IL15: variants seen among roughly 807,000 people sequenced by gnomAD.
The protein encoded by IL15 is interleukin-15.
Under a neutral mutation model 19.6 loss-of-function variants are expected in IL15, and 11 were observed. The observed-to-expected ratio is 0.56, with a 90% CI of 0.35 to 0.93. The LOEUF is 0.93. Ranked by LOEUF, IL15 falls within the 40% of genes least tolerant of loss-of-function variation. IL15 has a pLI of 0.01. For synonymous variants in IL15, 58 were observed against 59.6 expected (o/e 0.97, Z 0.12); for missense variants, 197 against 186.5 (o/e 1.06, Z -0.33).
intron 2 of IL15, among the ~76,000 whole-genome samples, chr4:141,676,774 GA>G (rs796511038): frequency 0.014 from 1,750 of 127,752 alleles, 26 homozygotes; most frequent in African/African-American, 0.042. Flanking sequence ...AGGTATGGCA[GA>G]AAAAAAAAAA....
intron 2 of IL15, among the ~76,000 whole-genome samples, chr4:141,681,675 A>G (rs1728536877): frequency 6.6e-6 from 1 of 152,230 alleles, no homozygotes; most frequent in Non-Finnish European, 1.5e-5. Context: ...TTTATGTTTC[A>G]TATATTTCTA....
intron 2 of IL15, among the ~76,000 whole-genome samples, chr4:141,712,143 G>A (rs1274824685): frequency 6.6e-6 from 1 of 151,968 alleles, no homozygotes; most frequent in Non-Finnish European, 1.5e-5. Flanking sequence ...GTCTGTTTAT[G>A]GAACTCCTTT....
Position 141,729,876 on chromosome 4 carries a change from C to A in IL15, c.270C>A (p.Cys90Ter). The change falls in exon 7 of 8, where the codon TGC becomes TGA. Residue 90 changes from cysteine (C) to a stop codon, truncating the protein, a stop_gained. Coordinates refer to ENST00000320650, the MANE Select transcript of IL15 (RefSeq NM_000585.5). LOFTEE classifies it high-confidence loss of function. ...HPSCKVTAMKCFLLELQVISL... is the reference protein window; with the variant it reads ...HPSCKVTAMK Reference sequence around the variant, plus strand: ...GTTGCAAAGTAACAGCAATGAAGTGCTTTCTCTTGGAGTTACAAGTTATTT... The same window carrying A: ...GTTGCAAAGTAACAGCAATGAAGTGATTTCTCTTGGAGTTACAAGTTATTT... 1 of 1,580,818 alleles carries A rather than the reference C, an allele frequency of 6.3e-7. No homozygotes were observed. The highest frequency in any genetic ancestry group is 8.7e-7 in the Non-Finnish European group (1 of 1,150,274).
chr4:141,677,540 C>T (rs1021154140), intron 2 of IL15, among the ~76,000 whole-genome samples: 8 of 152,026 alleles, frequency 5.3e-5, no homozygotes, highest in Admixed American at 1.3e-4. Flanking sequence ...TGCCCCAGCC[C>T]GAGTTGTTCA....
At chr4:141,716,898 G>C (rs1729904615) in intron 2 of IL15, 1 of 152,160 alleles carries the variant, frequency 6.6e-6, no homozygotes, top group African/African-American at 2.4e-5. Context: ...TTGGGTTTTG[G>C]ACTTGTTTCA....
At chr4:141,693,169 T>C (rs1728980612) in intron 2 of IL15, among the ~76,000 whole-genome samples, 1 of 151,994 alleles carries the variant, frequency 6.6e-6, no homozygotes, top group Non-Finnish European at 1.5e-5. Context: ...AGGCACCCTC[T>C]TCGCAAGGTG....
intron 2 of IL15, among the ~76,000 whole-genome samples, chr4:141,684,210 A>T (rs574849306): frequency 3.3e-5 from 5 of 152,290 alleles, no homozygotes; most frequent in African/African-American, 1.2e-4. Context: ...AGTACTCAGT[A>T]GTCTTTTTTT....
chr4:141,657,992 A>G (rs1016261105), intron 2 of IL15, among the ~76,000 whole-genome samples: 3 of 152,228 alleles, frequency 2.0e-5, no homozygotes, highest in African/African-American at 7.2e-5. Flanking sequence ...TTCCACCAGC[A>G]TCACCATAAA....
intron 2 of IL15, among the ~76,000 whole-genome samples, chr4:141,695,012 A>C (rs1288788995): frequency 2.0e-5 from 3 of 152,110 alleles, no homozygotes; most frequent in Non-Finnish European, 4.4e-5. Context: ...AGCACCTTCC[A>C]ATTTGTCTCC....
intron 2 of IL15, among the ~76,000 whole-genome samples, chr4:141,693,618 A>G (rs1448271172): frequency 6.6e-6 from 1 of 152,220 alleles, no homozygotes; most frequent in African/African-American, 2.4e-5. Context: ...TTATTTATAC[A>G]GTAAATATTT....
chr4:141,656,203 G>A lies in IL15; in HGVS notation c.-204G>A. 2 of 398,238 alleles carry A rather than the reference G, an allele frequency of 5.0e-6. No individual in the cohort carries two copies. Among genetic ancestry groups the A allele is most frequent in the Middle Eastern group, 6.3e-4 (1 of 1,588 alleles). 24.7% of individuals were successfully genotyped at this position (398,238 alleles called of 1,614,324 possible). On this transcript the variant is annotated 5_prime_UTR_variant, in exon 2 of 8. The change abolishes an upstream ATG in the 5' untranslated region. Transcript: ENST00000320650. ...TCTTACAGAATCCATTCCAATATAT[G>A]GCCATGTGGCTCTTTGGAGCAATGT...
At chr4:141,659,287 T>C (rs1335947769) in intron 2 of IL15, among the ~76,000 whole-genome samples, 1 of 151,292 alleles carries the variant, frequency 6.6e-6, no homozygotes, top group Non-Finnish European at 1.5e-5. Context: ...ACTGCAACCT[T>C]TGCCCCTTGG....
At chr4:141,678,472 C>A (rs1728425629) in intron 2 of IL15, among the ~76,000 whole-genome samples, 1 of 151,066 alleles carries the variant, frequency 6.6e-6, no homozygotes, top group Non-Finnish European at 1.5e-5. Flanking sequence ...ATAACAAAGT[C>A]AATCAAGAGA....
chr4:141,700,844 G>C (rs879078461), intron 2 of IL15, among the ~76,000 whole-genome samples: 2 of 152,178 alleles, frequency 1.3e-5, no homozygotes, highest in Non-Finnish European at 1.5e-5. Context: ...GTCTTTGTCT[G>C]ATTGGGTTAA....
At chr4:141,707,698 G>C (rs1011654183) in intron 2 of IL15, among the ~76,000 whole-genome samples, 1 of 152,176 alleles carries the variant, frequency 6.6e-6, no homozygotes, top group African/African-American at 2.4e-5. Flanking sequence ...AGTGGTCTAC[G>C]CTGTGAGAGC....
intron 2 of IL15, among the ~76,000 whole-genome samples, chr4:141,659,520 C>G (rs1727720501): frequency 6.6e-6 from 1 of 152,220 alleles, no homozygotes; most frequent in African/African-American, 2.4e-5. Context: ...TTGATACACA[C>G]AGATTAGGTA....
chr4:141,671,210 T>C (rs1351439242), intron 2 of IL15, among the ~76,000 whole-genome samples: 1 of 152,206 alleles, frequency 6.6e-6, no homozygotes, highest in Non-Finnish European at 1.5e-5. Flanking sequence ...GGAACACTTA[T>C]TACTTAGGTA....
At chr4:141,705,678 A>T (rs1383989528) in intron 2 of IL15, among the ~76,000 whole-genome samples, 3 of 152,046 alleles carry the variant, frequency 2.0e-5, no homozygotes, top group Non-Finnish European at 4.4e-5. Context: ...GGTATATTGA[A>T]GCCCTCTACT....
chr4:141,639,437 T>C (rs1238267874), intron 1 of IL15, among the ~76,000 whole-genome samples: 2 of 152,214 alleles, frequency 1.3e-5, no homozygotes, highest in African/African-American at 2.4e-5. Context: ...TTTGGTATAT[T>C]GGAGAAATTT....
Sources: gnomAD v4.1 joint callset for allele counts (sites outside exome capture counted in the v4.1 genomes callset) on GRCh38, gnomAD v4.1.1 for gene constraint, MANE v1.5 for transcripts, NCBI Gene and HGNC (gene_info 2026-07-23, HGNC 2026-07-21) for gene names.